The following TENM2 variants were observed in gnomAD, a reference collection of about 807,000 sequenced individuals.
TENM2 encodes teneurin-2.
A neutral mutation model predicts 245.2 loss-of-function variants in TENM2; 52 were observed. The ratio of observed to expected loss-of-function variants is 0.21; its 90% CI spans 0.17 to 0.27. The LOEUF (loss-of-function observed/expected upper bound fraction) is 0.27, where lower values mean the gene tolerates loss of function less well. Ranked by LOEUF, TENM2 falls within the 10% of genes least tolerant of loss-of-function variation. The pLI is 1.00. For synonymous variants in TENM2, 1,363 were observed against 1,438.9 expected, an observed-to-expected ratio of 0.95 and a Z score of 1.19; for missense variants, 3,046 against 3,666.8, an observed-to-expected ratio of 0.83 and a Z score of 4.37.
intron 2 of TENM2, among the ~76,000 whole-genome samples, chr5:167,626,934 C>T (rs750701570): frequency 1.3e-5 from 2 of 152,110 alleles, no homozygotes; most frequent in South Asian, 2.1e-4. Context: ...CACGCTTTCC[C>T]GAAGACAATG....
rs1324338468 is a variant in TENM2 at position 167,596,569 on chromosome 5, G to A, written c.502+221096G>A. On this transcript the variant is annotated intron_variant, in intron 2 of 28. Coordinates refer to ENST00000518659, the Ensembl canonical transcript of TENM2. ...AGCACTTTGGGAGGCCGAGGCAGGC[G>A]GATCACGAGGTTAGGAGATCAAGAC... Among the ~76,000 whole-genome samples the A allele has an allele frequency of 5.9e-5, 9 of 152,082 alleles. No individual in the cohort carries two copies. In the South Asian group the frequency reaches 1.0e-3, roughly 18 times the overall value.
At chr5:167,518,544 G>A (rs893963595) in intron 2 of TENM2, among the ~76,000 whole-genome samples, 1 of 152,130 alleles carries the variant, frequency 6.6e-6, no homozygotes. Flanking sequence ...ATGTGCACAG[G>A]TTAACCGATG....
intron 2 of TENM2, among the ~76,000 whole-genome samples, chr5:167,505,743 G>T (rs1217698403): frequency 1.3e-5 from 2 of 152,272 alleles, no homozygotes; most frequent in African/African-American, 2.4e-5. Flanking sequence ...GTTAGGACAG[G>T]CAGGCATAAA....
At chr5:167,525,633 G>A (rs187629373) in intron 2 of TENM2, among the ~76,000 whole-genome samples, 79 of 152,214 alleles carry the variant, frequency 5.2e-4, no homozygotes, top group African/African-American at 1.9e-3. Context: ...GGGACCTATA[G>A]GACCAATTCT....
intron 2 of TENM2, among the ~76,000 whole-genome samples, chr5:167,639,177 A>T (rs1484377910): frequency 6.6e-6 from 1 of 152,330 alleles, no homozygotes; most frequent in African/African-American, 2.4e-5. Context: ...GCCCATGTTT[A>T]TAATACTTAG....
the TENM2 span, among the ~76,000 whole-genome samples, chr5:167,203,849 G>A: frequency 4.7e-5 from 7 of 150,194 alleles, no homozygotes; most frequent in South Asian, 2.1e-4. Context: ...CTTGCATACC[G>A]AAAAAAAAGG....
chr5:167,355,614 C>T (rs1212383410), intron 1 of TENM2, among the ~76,000 whole-genome samples: 1 of 152,124 alleles, frequency 6.6e-6, no homozygotes, highest in Non-Finnish European at 1.5e-5. Context: ...AGGGAGCAAA[C>T]AAAACCATTG....
chr5:167,071,795 T>C, the TENM2 span, among the ~76,000 whole-genome samples: 1 of 151,882 alleles, frequency 6.6e-6, no homozygotes, highest in East Asian at 1.9e-4. Context: ...TTGAATGAGG[T>C]TGTGCTTATT....
intron 2 of TENM2, among the ~76,000 whole-genome samples, chr5:167,736,852 T>C (rs1210639300): frequency 6.6e-6 from 1 of 152,084 alleles, no homozygotes; most frequent in Admixed American, 6.6e-5. Flanking sequence ...AGGAACATCC[T>C]AACAAGGGGC....
the TENM2 span, among the ~76,000 whole-genome samples, chr5:167,167,225 A>G: frequency 2.6e-5 from 4 of 152,198 alleles, no homozygotes; most frequent in Non-Finnish European, 4.4e-5. Context: ...GGTGTCTTCA[A>G]TTGTCTAGGA....
At chr5:167,788,664 T>C (rs1764741877) in intron 2 of TENM2, among the ~76,000 whole-genome samples, 1 of 152,226 alleles carries the variant, frequency 6.6e-6, no homozygotes, top group Non-Finnish European at 1.5e-5. Flanking sequence ...CAATGCAAGC[T>C]GTGGTAACAG....
chr5:167,844,545 G>A (rs937902718), intron 2 of TENM2, among the ~76,000 whole-genome samples: 2 of 152,174 alleles, frequency 1.3e-5, no homozygotes, highest in Non-Finnish European at 2.9e-5. Flanking sequence ...ATTGGGTTTG[G>A]TAATTCTTTG....
Position 167,517,728 on chromosome 5 carries a change from C to T in TENM2, c.502+142255C>T, listed in dbSNP as rs117754463. On this transcript the variant is annotated intron_variant, in intron 2 of 28. Transcript: ENST00000518659. Reference sequence around the variant, plus strand: ...AGTAAACAAACCTATAGTTTCTTCCCTTGCCTGGATCCTTTACCAGATTTG... The same window carrying T: ...AGTAAACAAACCTATAGTTTCTTCCTTTGCCTGGATCCTTTACCAGATTTG... Among the ~76,000 whole-genome samples, 627 of 152,250 alleles carry T rather than the reference C, an allele frequency of 4.1e-3. 2 individuals are homozygous for T. Among genetic ancestry groups the T allele is most frequent in the East Asian group, 0.014 (71 of 5,178 alleles).
chr5:167,362,383 C>T (rs1272887603), intron 1 of TENM2, among the ~76,000 whole-genome samples: 3 of 152,046 alleles, frequency 2.0e-5, no homozygotes, highest in Non-Finnish European at 1.5e-5. Context: ...TTAACATTTC[C>T]CCTCAAATAT....
intron 4 of TENM2, among the ~76,000 whole-genome samples, chr5:167,973,516 A>T (rs868308450): frequency 2.0e-5 from 3 of 152,146 alleles, no homozygotes; most frequent in African/African-American, 7.2e-5. Context: ...CACAGAGCAG[A>T]TTATTTATAT....
At chr5:167,060,675 C>T in the TENM2 span, among the ~76,000 whole-genome samples, 1 of 147,932 alleles carries the variant, frequency 6.8e-6, no homozygotes. Flanking sequence ...AAAAGAAATA[C>T]ATTAAATTTG....
At chr5:167,958,080 G>A (rs1381328524) in intron 4 of TENM2, among the ~76,000 whole-genome samples, 2 of 152,168 alleles carry the variant, frequency 1.3e-5, no homozygotes, top group Admixed American at 6.5e-5. Context: ...AGGTGTTAAA[G>A]TCACCCATTA....
At chr5:167,319,705 A>G (rs139245205) in intron 1 of TENM2, among the ~76,000 whole-genome samples, 41 of 152,358 alleles carry the variant, frequency 2.7e-4, no homozygotes, top group African/African-American at 9.4e-4. Flanking sequence ...GATTTCTGCT[A>G]TGCCATGTGG....
intron 2 of TENM2, among the ~76,000 whole-genome samples, chr5:167,609,505 A>C (rs893531774): frequency 1.4e-4 from 21 of 145,268 alleles, no homozygotes; most frequent in Non-Finnish European, 2.6e-4. Flanking sequence ...AAAAAAAAAA[A>C]AAAAAAACAA....
Sources: allele counts gnomAD v4.1 joint callset (sites outside exome capture counted in the v4.1 genomes callset), GRCh38; gene constraint gnomAD v4.1.1; transcripts MANE v1.5; gene names NCBI Gene and HGNC (gene_info 2026-07-23, HGNC 2026-07-21).